Variants in FBXO11 observed in about 807,000 individuals in gnomAD.
FBXO11 encodes F-box only protein 11.
A neutral mutation model predicts 117.0 loss-of-function variants in FBXO11; 13 were observed. The observed-to-expected ratio is 0.11, with a 90% CI of 0.07 to 0.18. The LOEUF (loss-of-function observed/expected upper bound fraction) is 0.18. Among genes scored for constraint, FBXO11 ranks in the 10% least tolerant of loss-of-function variants. FBXO11 has a pLI of 1.00. For missense variants in FBXO11, 767 were observed against 1,164.4 expected (o/e 0.66, Z 4.97); for synonymous variants, 490 against 380.5 (o/e 1.29, Z -3.35).
intron 5 of FBXO11, among the ~76,000 whole-genome samples, chr2:47,835,551 T>C (rs1572812309): frequency 6.6e-6 from 1 of 151,936 alleles, no homozygotes; most frequent in African/African-American, 2.4e-5. Flanking sequence ...CAGGCTGGAG[T>C]GCAGCAGTGC....
intron 1 of FBXO11, among the ~76,000 whole-genome samples, chr2:47,878,035 C>T (rs1352233090): frequency 6.6e-6 from 1 of 152,168 alleles, no homozygotes; most frequent in Non-Finnish European, 1.5e-5. Context: ...GATCCAGTCC[C>T]TAAGTCATGG....
intron 4 of FBXO11, among the ~76,000 whole-genome samples, 153 bp downstream of exon 4, chr2:47,838,702 TGACA>T (rs1672780760): frequency 6.6e-6 from 1 of 152,258 alleles, no homozygotes; most frequent in African/African-American, 2.4e-5. Context: ...CCACCTGGAC[TGACA>T]GCCCCCATTT....
intron 1 of FBXO11, among the ~76,000 whole-genome samples, chr2:47,888,175 T>C (rs1212710244): frequency 2.0e-5 from 3 of 152,182 alleles, no homozygotes; most frequent in Non-Finnish European, 4.4e-5. Flanking sequence ...ATCTACCCCT[T>C]GTAACCATAA....
intron 1 of FBXO11, among the ~76,000 whole-genome samples, chr2:47,890,790 C>T (rs920924287): frequency 3.2e-4 from 49 of 150,818 alleles, no homozygotes; most frequent in African/African-American, 8.1e-4. Context: ...GGCGACAGAG[C>T]GAGACCCTGT....
At chr2:47,815,145 A>T (rs1441783912) in intron 16 of FBXO11, among the ~76,000 whole-genome samples, 2 of 152,134 alleles carry the variant, frequency 1.3e-5, no homozygotes, top group Non-Finnish European at 2.9e-5. Flanking sequence ...AACTCCTGTT[A>T]ATTTTTTTTT....
Position 47,810,595 on chromosome 2 carries a change from T to G in FBXO11, c.2228-169A>C, listed in dbSNP as rs548043728. 2.4e-5 allele frequency: 12 copies of G among 507,718 alleles called. No individual in the cohort carries two copies. In the Admixed American group the frequency reaches 2.7e-4, roughly 11 times the overall value. The allele number at this position is 507,718 out of a possible 1,614,324, so 31.5% of individuals were successfully genotyped here. On this transcript the variant is annotated intron_variant, in intron 18 of 22. Coordinates refer to ENST00000403359, the MANE Select transcript of FBXO11 (RefSeq NM_001190274.2). ...ATTAGCAATTCAGAGGTATTAAGGA[T>G]CTAACAAAATTGCTACAATGACAGG... is the stretch of plus-strand genomic sequence containing the variant.
At position 47,839,450 on chromosome 2, in the gene FBXO11, T is replaced by G; in HGVS notation, c.411A>C (p.Ala137=). The G allele has an allele frequency of 1.2e-6, 2 of 1,614,012 alleles. No individual in the cohort carries two copies. The highest frequency in any genetic ancestry group is 2.2e-5 in the South Asian group (2 of 90,976). The change falls in exon 3 of 23, where the codon GCA becomes GCC. Residue 137 remains alanine, a synonymous_variant. Coordinates refer to ENST00000403359, the MANE Select transcript of FBXO11 (RefSeq NM_001190274.2). ...TENFGHRAKR[A]RVSGKSQDLS... is the part of the protein sequence containing the mutation. ...GATCTTGTGATTTTCCAGACACTCTTGCACGTTTTGCACGATGACCAAAGT... is the reference window on the plus strand; with the variant it reads ...GATCTTGTGATTTTCCAGACACTCTGGCACGTTTTGCACGATGACCAAAGT...
chr2:47,838,723 T>C (rs1051585902), intron 4 of FBXO11, 136 bp downstream of exon 4: 10 of 702,750 alleles, frequency 1.4e-5, no homozygotes, highest in Non-Finnish European at 2.1e-5. Flanking sequence ...ATTTGTAACT[T>C]GGAATTGATA....
intron 19 of FBXO11, 141 bp from the exon 20 acceptor site, chr2:47,809,848 C>G (rs570229476): frequency 7.4e-5 from 42 of 571,038 alleles, no homozygotes; most frequent in Non-Finnish European, 1.1e-4. Flanking sequence ...ATGTAGATAC[C>G]TATTTCAACC....
chr2:47,888,375 A>T (rs1369803002), intron 1 of FBXO11, among the ~76,000 whole-genome samples: 1 of 152,208 alleles, frequency 6.6e-6, no homozygotes, highest in Non-Finnish European at 1.5e-5. Flanking sequence ...AACATTCTAT[A>T]ATACCATTCC....
chr2:47,808,854 T>G (rs17036971), intron 21 of FBXO11: 15,107 of 271,788 alleles, frequency 0.056, 485 homozygotes, highest in Non-Finnish European at 0.066. Flanking sequence ...GGTTTTTCCA[T>G]AGTTATGGTC....
At chr2:47,898,293 C>A (rs1052275869) in intron 1 of FBXO11, among the ~76,000 whole-genome samples, 2 of 152,138 alleles carry the variant, frequency 1.3e-5, no homozygotes, top group African/African-American at 2.4e-5. Flanking sequence ...TCTCTATTTT[C>A]TAAGGATTAA....
At chr2:47,829,871 C>T (rs1672052735) in intron 11 of FBXO11, among the ~76,000 whole-genome samples, 1 of 152,048 alleles carries the variant, frequency 6.6e-6, no homozygotes, top group African/African-American at 2.4e-5. Flanking sequence ...TTGTTGAAGG[C>T]AGACAATAGG....
intron 1 of FBXO11, among the ~76,000 whole-genome samples, chr2:47,855,972 A>G (rs554663266): frequency 3.9e-5 from 6 of 152,302 alleles, no homozygotes; most frequent in African/African-American, 1.2e-4. Flanking sequence ...AAAGCCAGGC[A>G]TGGGGGTGCA....
chr2:47,894,867 A>T (rs992394777), intron 1 of FBXO11, among the ~76,000 whole-genome samples: 1 of 152,192 alleles, frequency 6.6e-6, no homozygotes, highest in Non-Finnish European at 1.5e-5. Context: ...TGAAAATGGG[A>T]AAGAACACAG....
chr2:47,814,134 CAT>C lies in FBXO11; in HGVS notation c.2007-269_2007-268del. 2 of 330,658 alleles carry C rather than the reference CAT, an allele frequency of 6.0e-6. 1 individual carries two copies. The highest frequency in any genetic ancestry group is 7.2e-5 in the South Asian group (2 of 27,708). 20.5% of individuals were successfully genotyped at this position (330,658 alleles called of 1,614,324 possible). ...TATATTAAGTGACATATATTCCCCT[CAT>C]ATGTAAAATGAAGGACTGAATTACA... is the stretch of plus-strand genomic sequence containing the variant. On this transcript the variant is annotated intron_variant, in intron 16 of 22. Coordinates refer to ENST00000403359, the MANE Select transcript of FBXO11 (RefSeq NM_001190274.2).
chr2:47,871,689 T>A (rs1675636743), intron 1 of FBXO11, among the ~76,000 whole-genome samples: 1 of 152,244 alleles, frequency 6.6e-6, no homozygotes, highest in Non-Finnish European at 1.5e-5. Flanking sequence ...CCTTTTGATT[T>A]CCAGGAGTTC....
rs757538352 is a variant in FBXO11 at position 47,875,346 on chromosome 2, C to T, written c.232+30143G>A. On this transcript the variant is annotated intron_variant, in intron 1 of 22. Coordinates refer to ENST00000403359, the MANE Select transcript of FBXO11 (RefSeq NM_001190274.2). The stretch of plus-strand genomic sequence containing the variant: ...AGGTCTAGAGTGCTATTTATCTTCG[C>T]GTTTATCTTCTAATTCGTATGTCTC... Among the ~76,000 whole-genome samples, 4 of 152,054 alleles carry T rather than the reference C, an allele frequency of 2.6e-5. No homozygotes were observed. The East Asian group carries it at 5.8e-4, about 22-fold the overall frequency.
intron 1 of FBXO11, 69 bp downstream of exon 1, chr2:47,905,420 C>G (rs1006058334): frequency 3.1e-5 from 36 of 1,159,908 alleles, no homozygotes; most frequent in Non-Finnish European, 3.5e-5. Flanking sequence ...GCCCGCCCGC[C>G]CGCCCGCCCC....
Sources: gnomAD v4.1 joint callset for allele counts (sites outside exome capture counted in the v4.1 genomes callset) on GRCh38, gnomAD v4.1.1 for gene constraint, MANE v1.5 for transcripts, NCBI Gene and HGNC (gene_info 2026-07-23, HGNC 2026-07-21) for gene names.